The following OTOF variants were observed in gnomAD, a reference collection of about 807,000 sequenced individuals.
The protein encoded by OTOF is otoferlin.
Under a neutral mutation model 236.8 loss-of-function variants are expected in OTOF, and 218 were observed. That is an observed-to-expected ratio of 0.92 (90% CI 0.82 to 1.03). The LOEUF (loss-of-function observed/expected upper bound fraction) is 1.03, where lower values mean the gene tolerates loss of function less well. Ranked by LOEUF, OTOF falls within the 50% of genes least tolerant of loss-of-function variation. The probability of loss-of-function intolerance (pLI) is 0.00; values close to 1 mark genes in which losing one functional copy is unlikely to be tolerated. For missense variants in OTOF, 2,590 were observed against 2,694.4 expected (o/e 0.96, Z 0.86); for synonymous variants, 1,041 against 1,072.5 (o/e 0.97, Z 0.57).
rs1664503092 is a variant in OTOF at position 26,462,254 on chromosome 2, G to A, written c.5193-73C>T. 1 of 1,306,040 alleles carries A rather than the reference G, an allele frequency of 7.7e-7. No homozygotes were observed. Among genetic ancestry groups the A allele is most frequent in the Non-Finnish European group, 1.1e-6 (1 of 900,978 alleles). 80.9% of individuals were successfully genotyped at this position (1,306,040 alleles called of 1,614,324 possible). A position where few individuals can be genotyped will look rare whatever the true frequency, so the allele number is the denominator to read the frequency against. ...TGCCAGGGTGCCAGGGCTGGGATGG[G>A]GCAGGCGGAGAGAAGCCCTGGGGTC... is the stretch of plus-strand genomic sequence containing the variant. On this transcript the variant is annotated intron_variant, in intron 41 of 46. Transcript: ENST00000272371. The surrounding 1 kb of genome is among the most constrained non-coding windows in gnomAD (Gnocchi z 4.7).
chr2:26,502,428 T>C lies in OTOF; in HGVS notation c.584-2A>G, dbSNP rs1666139868. On this transcript the variant is annotated splice_acceptor_variant, in intron 6 of 46. Transcript: ENST00000272371. LOFTEE classifies it high-confidence loss of function. ...CCATCTCCAGCACCGCCGGTTCATC[T>C]GGGGAAGATGAAAGACTGGTTAGGT... 1 of 1,612,406 alleles carries C rather than the reference T, an allele frequency of 6.2e-7. No homozygotes were observed. Among genetic ancestry groups the C allele is most frequent in the African/African-American group, 1.3e-5 (1 of 74,926 alleles).
chr2:26,490,925 T>C (rs1465439845), intron 9 of OTOF, among the ~76,000 whole-genome samples: 1 of 152,118 alleles, frequency 6.6e-6, no homozygotes, highest in East Asian at 1.9e-4. Context: ...GCCCAGGGTG[T>C]GCTGGCCAGA....
intron 1 of OTOF, among the ~76,000 whole-genome samples, chr2:26,552,875 G>A (rs577706809): frequency 3.3e-5 from 5 of 152,222 alleles, no homozygotes; most frequent in Non-Finnish European, 7.3e-5. Flanking sequence ...GCCTTCAGCA[G>A]GGACAATGCC....
At chr2:26,521,590 G>A (rs1442763518) in intron 3 of OTOF, among the ~76,000 whole-genome samples, 1 of 152,180 alleles carries the variant, frequency 6.6e-6, no homozygotes, top group African/African-American at 2.4e-5. Context: ...TGGTGACAGT[G>A]ATGGGGCTGT....
intron 8 of OTOF, among the ~76,000 whole-genome samples, chr2:26,498,047 C>A (rs144851487): frequency 6.6e-6 from 1 of 152,312 alleles, no homozygotes; most frequent in African/African-American, 2.4e-5. Context: ...TGGCATCTAC[C>A]GAAGATAAGC....
At chr2:26,488,628 G>A (rs1665756494) in intron 11 of OTOF, among the ~76,000 whole-genome samples, 1 of 152,256 alleles carries the variant, frequency 6.6e-6, no homozygotes, top group Admixed American at 6.5e-5. Context: ...GCATTGACCA[G>A]CATCACCGCT....
Position 26,470,738 on chromosome 2 carries a change from T to C in OTOF, c.3895-17A>G. 1.2e-6 allele frequency: 2 copies of C among 1,611,200 alleles called. No individual in the cohort carries two copies. Among genetic ancestry groups the C allele is most frequent in the African/African-American group, 1.3e-5 (1 of 75,034 alleles). On this transcript the variant is annotated splice_polypyrimidine_tract_variant and intron_variant, in intron 31 of 46. Coordinates refer to ENST00000272371, the MANE Select transcript of OTOF (RefSeq NM_194248.3). This position sits in a 1 kb window ranked among gnomAD's most constrained non-coding sequence, Gnocchi z 4.3. ...CTCCTCAGCCTGCAGGTTGGCCAGGTCCAGAGTCCTACATGGACTCCTCCT... is the reference window on the plus strand; with the variant it reads ...CTCCTCAGCCTGCAGGTTGGCCAGGCCCAGAGTCCTACATGGACTCCTCCT...
At chr2:26,511,377 C>T (rs567541361) in intron 5 of OTOF, among the ~76,000 whole-genome samples, 1 of 152,274 alleles carries the variant, frequency 6.6e-6, no homozygotes, top group African/African-American at 2.4e-5. Flanking sequence ...AACGGCCCCC[C>T]TATCTCACTT....
At chr2:26,467,265 G>A in intron 34 of OTOF, 32 bp from the exon 35 acceptor site, 1 of 1,614,024 alleles carries the variant, frequency 6.2e-7, no homozygotes, top group Non-Finnish European at 8.5e-7. Context: ...GGGGGCGGCT[G>A]CCTGGTCTCT....
At chr2:26,513,161 C>A (rs566731541) in intron 5 of OTOF, among the ~76,000 whole-genome samples, 1 of 152,228 alleles carries the variant, frequency 6.6e-6, no homozygotes, top group Non-Finnish European at 1.5e-5. Flanking sequence ...TCAGGCAGAG[C>A]CCCCATACTG....
At chr2:26,519,624 A>T (rs1225897095) in intron 3 of OTOF, among the ~76,000 whole-genome samples, 1 of 152,230 alleles carries the variant, frequency 6.6e-6, no homozygotes, top group Non-Finnish European at 1.5e-5. Flanking sequence ...ATGGAACTGC[A>T]CAGCAGGGGA....
rs886055882 is a variant in OTOF, at chr2:26,558,666, G to GCCT, written c.-98_-96dup. 19 of 1,088,900 alleles carry GCCT rather than the reference G, an allele frequency of 1.7e-5. No individual in the cohort carries two copies. In the African/African-American group the frequency reaches 2.2e-4, roughly 13 times the overall value. The allele number at this position is 1,088,900 out of a possible 1,614,324, so 67.5% of individuals were successfully genotyped here. On this transcript the variant is annotated 5_prime_UTR_variant, in exon 1 of 47. Transcript: ENST00000272371. Reference sequence around the variant, plus strand: ...ACACGCCTCTCTCTTCTCTGCCGCTGCCTCCTCCTCCTCCTCCCGACCCCC... The same window carrying GCCT: ...ACACGCCTCTCTCTTCTCTGCCGCTGCCTCCTCCTCCTCCTCCTCCCGACCCCC...
rs528153445 is a variant in OTOF at position 26,548,905 on chromosome 2, G to A, written c.79+9588C>T. ...TAAGCGATGCCTGACTGTAAATGAGGTTATACAGTATGTGGTCTTTTGTGT... is the reference window on the plus strand; with the variant it reads ...TAAGCGATGCCTGACTGTAAATGAGATTATACAGTATGTGGTCTTTTGTGT... On this transcript the variant is annotated intron_variant, in intron 1 of 46. Coordinates refer to ENST00000272371, the MANE Select transcript of OTOF (RefSeq NM_194248.3). Among the ~76,000 whole-genome samples the A allele has an allele frequency of 2.2e-4, 34 of 152,242 alleles. No individual in the cohort carries two copies. The South Asian group carries it at 6.8e-3, about 31-fold the overall frequency.
At chr2:26,519,359 G>A (rs1666618547) in intron 3 of OTOF, among the ~76,000 whole-genome samples, 1 of 152,202 alleles carries the variant, frequency 6.6e-6, no homozygotes, top group Non-Finnish European at 1.5e-5. Flanking sequence ...GCACCCTTAG[G>A]GGATGTCTAC....
Position 26,461,965 on chromosome 2 carries a change from A to G in OTOF, c.5292-28T>C. 6.2e-7 allele frequency: 1 copy of G among 1,613,720 alleles called. No individual in the cohort carries two copies. On this transcript the variant is annotated intron_variant, in intron 42 of 46. Transcript: ENST00000272371. This position sits in a 1 kb window ranked among gnomAD's most constrained non-coding sequence, Gnocchi z 6.2. ...GTGGGCGCCACATCTCCAGACCCGC[A>G]GCCAGGCTGGTGGGGCCTCTCCCAC...
At chr2:26,492,238 G>A (rs962861373) in intron 9 of OTOF, among the ~76,000 whole-genome samples, 1 of 152,132 alleles carries the variant, frequency 6.6e-6, no homozygotes, top group African/African-American at 2.4e-5. Flanking sequence ...TGTAACTAAG[G>A]GGAGTTGCTA....
At chr2:26,525,882 T>C (rs1666788562) in intron 3 of OTOF, among the ~76,000 whole-genome samples, 1 of 150,678 alleles carries the variant, frequency 6.6e-6, no homozygotes. Context: ...AGGTCAGGAG[T>C]TCGATACCAA....
intron 1 of OTOF, among the ~76,000 whole-genome samples, chr2:26,550,613 C>T (rs1398691208): frequency 6.6e-6 from 1 of 152,146 alleles, no homozygotes; most frequent in Non-Finnish European, 1.5e-5. Flanking sequence ...AACTAAGGCC[C>T]TGTACCCCAA....
At chr2:26,547,638 C>A (rs1464309795) in intron 1 of OTOF, among the ~76,000 whole-genome samples, 2 of 152,062 alleles carry the variant, frequency 1.3e-5, no homozygotes, top group East Asian at 1.9e-4. Context: ...GAGTTCAAGA[C>A]CAGCCTGGCC....
Sources: allele counts gnomAD v4.1 joint callset (sites outside exome capture counted in the v4.1 genomes callset), GRCh38; gene constraint gnomAD v4.1.1; non-coding constraint Gnocchi (gnomAD v3.1); transcripts MANE v1.5; gene names NCBI Gene and HGNC (gene_info 2026-07-23, HGNC 2026-07-21).